Variants in ZDHHC16 observed in about 807,000 individuals in gnomAD.
The protein encoded by ZDHHC16 is zDHHC palmitoyltransferase 16.
ZDHHC16 carries 33 observed loss-of-function variants against 54.4 expected under a neutral mutation model. That is an observed-to-expected ratio of 0.61 (90% CI 0.46 to 0.81). ZDHHC16 has a LOEUF of 0.81. ZDHHC16 is among the 30% of genes least tolerant of loss of function. The pLI, the probability that ZDHHC16 is intolerant of heterozygous loss-of-function variation, is 0.00. For synonymous variants in ZDHHC16, 185 were observed against 182.1 expected (o/e 1.02, Z -0.13); for missense variants, 420 against 485.9 (o/e 0.86, Z 1.28).
intron 2 of ZDHHC16, chr10:97,451,031 A>C (rs181078303): frequency 2.0e-5 from 3 of 152,306 alleles, no homozygotes; most frequent in Non-Finnish European, 2.9e-5. Context: ...TCCTGCTACC[A>C]GGTTGAGTTG....
chr10:97,451,963 A>C (rs1472595252), intron 3 of ZDHHC16, 45 bp downstream of exon 3: 2 of 1,592,040 alleles, frequency 1.3e-6, no homozygotes, highest in Middle Eastern at 1.7e-4. Flanking sequence ...TGTGGGGAGC[A>C]GAGGGACATG....
chr10:97,456,500 C>A (rs577366385), intron 11 of ZDHHC16: 1 of 324,344 alleles, frequency 3.1e-6, no homozygotes, highest in African/African-American at 2.1e-5. Context: ...GATGAACAGA[C>A]GTGCCTTCCC....
rs756135192 is a variant in ZDHHC16, at chr10:97,453,860, A to C, written c.738+14A>C. 1.9e-6 allele frequency: 3 copies of C among 1,613,948 alleles called. No individual in the cohort carries two copies. Among genetic ancestry groups the C allele is most frequent in the South Asian group, 2.2e-5 (2 of 91,060 alleles). On this transcript the variant is annotated intron_variant, in intron 8 of 11. Coordinates refer to ENST00000393760, the MANE Select transcript of ZDHHC16 (RefSeq NM_198046.3). ...GTTGCCAACCAGGTGGGCTGTCCCC[A>C]CCCCACTGCCTCCTGCTGCTCAGGC...
At chr10:97,454,677 G>A in intron 8 of ZDHHC16, 37 bp from the exon 9 acceptor site, 2 of 1,586,032 alleles carry the variant, frequency 1.3e-6, no homozygotes, top group Non-Finnish European at 1.7e-6. Flanking sequence ...GAGACCCACA[G>A]AGCAAATGAG....
Position 97,457,281 on chromosome 10 carries a change from CAA to C in ZDHHC16, c.*392_*393del, listed in dbSNP as rs774817712. ...CTGAGATCTTGGCTTCTCAACAGGGCAAAGATACCAGGCCTGCTGCTGAGGTC... is the reference window on the plus strand; with the variant it reads ...CTGAGATCTTGGCTTCTCAACAGGGCAGATACCAGGCCTGCTGCTGAGGTC... On this transcript the variant is annotated 3_prime_UTR_variant, in exon 12 of 12. Transcript: ENST00000393760. 2 of 155,552 alleles carry C rather than the reference CAA, an allele frequency of 1.3e-5. No homozygotes were observed. The highest frequency in any genetic ancestry group is 1.9e-4 in the East Asian group (1 of 5,352). The allele number at this position is 155,552 out of a possible 1,614,324, so 9.6% of individuals were successfully genotyped here. A position where few individuals can be genotyped will look rare whatever the true frequency, so the allele number is the denominator to read the frequency against.
chr10:97,446,676 C>T (rs1411242345), intron 1 of ZDHHC16, among the ~76,000 whole-genome samples: 1 of 152,214 alleles, frequency 6.6e-6, no homozygotes, highest in Non-Finnish European at 1.5e-5. Flanking sequence ...CAGTCCATCG[C>T]AGTTTCACCT....
chr10:97,456,862 GCTCA>G lies in ZDHHC16; in HGVS notation c.1110_1113del (p.His370GlnfsTer4). 6.2e-7 allele frequency: 1 copy of G among 1,612,578 alleles called. No individual in the cohort carries two copies. ...CTGGGAGCCCCCTCCCTGGGTGACT[GCTCA>G]CTCAGCCTCTGTGATGGCAGTGTGA... is the stretch of plus-strand genomic sequence containing the variant. On this transcript the variant is annotated frameshift_variant, in exon 12 of 12. Transcript: ENST00000393760. LOFTEE classifies it high-confidence loss of function.
chr10:97,453,200 G>A (rs1385881283), intron 6 of ZDHHC16, among the ~76,000 whole-genome samples: 2 of 152,182 alleles, frequency 1.3e-5, no homozygotes, highest in South Asian at 2.1e-4. Flanking sequence ...TACTGTGTAC[G>A]CCAGATAGAA....
At chr10:97,448,578 G>A (rs144078592) in intron 1 of ZDHHC16, among the ~76,000 whole-genome samples, 3,137 of 152,192 alleles carry the variant, frequency 0.021, 149 homozygotes, top group East Asian at 0.17. Flanking sequence ...CCAACATTGC[G>A]AAACCCCGTC....
chr10:97,448,663 A>G (rs560920424), intron 1 of ZDHHC16, among the ~76,000 whole-genome samples: 13 of 152,240 alleles, frequency 8.5e-5, no homozygotes, highest in South Asian at 2.1e-4. Flanking sequence ...AGGCTGAGGC[A>G]GGGAGAATTG....
intron 5 of ZDHHC16, 100 bp downstream of exon 5, chr10:97,452,603 C>A: frequency 7.8e-7 from 1 of 1,279,272 alleles, no homozygotes; most frequent in Non-Finnish European, 1.1e-6. Flanking sequence ...GGTGAATCAC[C>A]CATCGTGTCC....
rs201720063 is a variant in ZDHHC16, at chr10:97,456,051, T to C, written c.1019+7T>C. On this transcript the variant is annotated splice_region_variant and intron_variant, in intron 11 of 11. Coordinates refer to ENST00000393760, the MANE Select transcript of ZDHHC16 (RefSeq NM_198046.3). Reference sequence around the variant, plus strand: ...TGGGTGTGGATACAGGAAGGTAATGTAAGACACACAGACTAATGCTGTCCA... The same window carrying C: ...TGGGTGTGGATACAGGAAGGTAATGCAAGACACACAGACTAATGCTGTCCA... 197 of 1,613,978 alleles carry C rather than the reference T, an allele frequency of 1.2e-4. 1 individual carries two copies. The East Asian group carries it at 3.8e-3, about 31-fold the overall frequency.
At chr10:97,449,036 A>G (rs1308156447) in intron 1 of ZDHHC16, among the ~76,000 whole-genome samples, 1 of 152,134 alleles carries the variant, frequency 6.6e-6, no homozygotes, top group Non-Finnish European at 1.5e-5. Context: ...CTACTCCCTC[A>G]CTGAATGTGA....
At chr10:97,449,254 G>A (rs1266326420) in intron 1 of ZDHHC16, among the ~76,000 whole-genome samples, 1 of 151,244 alleles carries the variant, frequency 6.6e-6, no homozygotes, top group Non-Finnish European at 1.5e-5. Flanking sequence ...TAGAAGAGGT[G>A]TGAGGTAGTA....
At position 97,450,454 on chromosome 10, in the gene ZDHHC16, G is replaced by C. The variant is rs946192751; in HGVS notation, c.-88G>C. 1.3e-5 allele frequency: 2 copies of C among 152,232 alleles called. No homozygotes were observed. The highest frequency in any genetic ancestry group is 2.9e-5 in the Non-Finnish European group (2 of 68,058). The allele number at this position is 152,232 out of a possible 1,614,324, so 9.4% of individuals were successfully genotyped here. ...AGTGGAGCAGCCTCCTCCAGTTTCT[G>C]TTGGGTTTTGAGCTACCTGTTAAAT... On this transcript the variant is annotated 5_prime_UTR_variant, in exon 2 of 12. Transcript: ENST00000393760.
chr10:97,457,168 G>A lies in ZDHHC16; in HGVS notation c.*277G>A. ...CAGCTAGCTACCTACCTTGCCCAGT[G>A]CTGACCCGGACCTCCTCCAGGATAC... On this transcript the variant is annotated 3_prime_UTR_variant, in exon 12 of 12. Transcript: ENST00000393760. 1 of 220,404 alleles carries A rather than the reference G, an allele frequency of 4.5e-6. No individual in the cohort carries two copies. The highest frequency in any genetic ancestry group is 9.0e-6 in the Non-Finnish European group (1 of 110,536). The allele number at this position is 220,404 out of a possible 1,614,324, so 13.7% of individuals were successfully genotyped here.
At chr10:97,446,393 C>T (rs1357850206) in intron 1 of ZDHHC16, 40 bp downstream of exon 1, 5 of 308,768 alleles carry the variant, frequency 1.6e-5, no homozygotes, top group Non-Finnish European at 3.1e-5. Context: ...CATCCTAGTC[C>T]CTTTTTCTGG....
At chr10:97,453,348 A>C (rs1423352500) in intron 6 of ZDHHC16, among the ~76,000 whole-genome samples, 182 bp from the exon 7 acceptor site, 1 of 151,848 alleles carries the variant, frequency 6.6e-6, no homozygotes, top group Non-Finnish European at 1.5e-5. Flanking sequence ...AAAAGCTTTG[A>C]GCATTTTCAC....
chr10:97,455,733 G>C lies in ZDHHC16; in HGVS notation c.898G>C (p.Glu300Gln). 1 of 1,614,106 alleles carries C rather than the reference G, an allele frequency of 6.2e-7. No homozygotes were observed. ...VLISRGETSI[E>Q]RHINKKERRR... is the part of the protein sequence containing the mutation. ...CATCAGTCGAGGTGAGACTAGCATC[G>C]AAAGGCACATCAACAAGAAGGAGAG... Residue 300 changes from glutamate (E) to glutamine (Q), a missense_variant, in exon 10 of 12, where the codon GAA becomes CAA. Physicochemically the swap from Glu to Gln is conservative, Grantham distance 29 (BLOSUM62 2). Transcript: ENST00000393760.
Sources: allele counts gnomAD v4.1 joint callset (sites outside exome capture counted in the v4.1 genomes callset), GRCh38; gene constraint gnomAD v4.1.1; transcripts MANE v1.5; gene names NCBI Gene and HGNC (gene_info 2026-07-23, HGNC 2026-07-21).